Variants in SUMF1 observed in about 807,000 individuals in gnomAD.
The protein encoded by SUMF1 is formylglycine-generating enzyme.
Under a neutral mutation model 47.6 loss-of-function variants are expected in SUMF1, and 48 were observed. The ratio of observed to expected loss-of-function variants is 1.01; its 90% CI spans 0.80 to 1.28. The LOEUF (loss-of-function observed/expected upper bound fraction) is 1.28, where lower values mean the gene tolerates loss of function less well. SUMF1 is among the 50% of genes most tolerant of loss of function. The pLI is 0.00. For synonymous variants in SUMF1, 230 were observed against 192.1 expected, an observed-to-expected ratio of 1.20 and a Z score of -1.63; for missense variants, 571 against 485.4, an observed-to-expected ratio of 1.18 and a Z score of -1.66.
At chr3:4,042,340 CT>C (rs1694921881) in intron 9 of SUMF1, among the ~76,000 whole-genome samples, 2 of 151,892 alleles carry the variant, frequency 1.3e-5, no homozygotes, top group Admixed American at 6.6e-5. Flanking sequence ...TGCTTGTTTG[CT>C]TGTTTGTTTT....
chr3:4,165,565 A>G (rs1404480559), intron 8 of SUMF1, among the ~76,000 whole-genome samples: 1 of 152,090 alleles, frequency 6.6e-6, no homozygotes, highest in Non-Finnish European at 1.5e-5. Flanking sequence ...TTATCTTTCA[A>G]TGAAAAGAAG....
At chr3:4,043,589 A>T (rs1432956319) in intron 9 of SUMF1, among the ~76,000 whole-genome samples, 1 of 151,798 alleles carries the variant, frequency 6.6e-6, no homozygotes, top group African/African-American at 2.4e-5. Context: ...GCCCTTTACC[A>T]GTTCTCTATT....
chr3:4,086,443 C>T (rs1464730377), intron 8 of SUMF1, among the ~76,000 whole-genome samples: 1 of 152,006 alleles, frequency 6.6e-6, no homozygotes, highest in Non-Finnish European at 1.5e-5. Context: ...CTGTGTACTA[C>T]AACACTAGGG....
At chr3:4,350,201 AT>A (rs1699464616) in intron 8 of SUMF1, among the ~76,000 whole-genome samples, 2 of 151,526 alleles carry the variant, frequency 1.3e-5, no homozygotes, top group African/African-American at 4.9e-5. Flanking sequence ...AAAAATCACC[AT>A]TTTTTAGTAT....
chr3:4,156,499 A>T (rs1694455624), intron 8 of SUMF1, among the ~76,000 whole-genome samples: 1 of 151,634 alleles, frequency 6.6e-6, no homozygotes, highest in Non-Finnish European at 1.5e-5. Context: ...ACACAACTGG[A>T]ACAGAAAGGC....
intron 8 of SUMF1, among the ~76,000 whole-genome samples, chr3:4,215,665 C>T (rs1446313548): frequency 6.6e-6 from 1 of 152,160 alleles, no homozygotes; most frequent in East Asian, 1.9e-4. Flanking sequence ...AGCCCAAAAT[C>T]TCCTTAAGCT....
At chr3:4,274,847 G>C (rs1378767132) in intron 8 of SUMF1, among the ~76,000 whole-genome samples, 1 of 152,210 alleles carries the variant, frequency 6.6e-6, no homozygotes, top group Non-Finnish European at 1.5e-5. Context: ...GAATTCTGCA[G>C]AAGCAGCTGT....
intron 8 of SUMF1, among the ~76,000 whole-genome samples, chr3:4,209,533 A>G (rs1240412906): frequency 1.3e-5 from 2 of 152,112 alleles, no homozygotes; most frequent in Admixed American, 6.6e-5. Context: ...ATCACAAATG[A>G]CAATCTAAGA....
intron 8 of SUMF1, among the ~76,000 whole-genome samples, chr3:4,254,502 G>A (rs1696897191): frequency 6.7e-6 from 1 of 150,284 alleles, no homozygotes; most frequent in East Asian, 1.9e-4. Context: ...TCAACTGGAA[G>A]AAAGGGTATC....
intron 8 of SUMF1, among the ~76,000 whole-genome samples, chr3:4,370,662 C>T (rs148890710): frequency 7.9e-5 from 12 of 152,290 alleles, no homozygotes; most frequent in African/African-American, 2.6e-4. Flanking sequence ...AGGGCCATAT[C>T]TGAAGACCCC....
chr3:4,314,848 G>A (rs989600594), intron 8 of SUMF1, among the ~76,000 whole-genome samples: 2 of 152,150 alleles, frequency 1.3e-5, no homozygotes, highest in Non-Finnish European at 2.9e-5. Flanking sequence ...ATATTATTAA[G>A]TAATTTAATT....
chr3:4,275,354 C>A (rs991250010), intron 8 of SUMF1, among the ~76,000 whole-genome samples: 2 of 152,140 alleles, frequency 1.3e-5, no homozygotes, highest in Non-Finnish European at 2.9e-5. Flanking sequence ...GATATGGGTT[C>A]TCTCCTCTGT....
intron 8 of SUMF1, among the ~76,000 whole-genome samples, chr3:4,093,809 T>A (rs1692841599): frequency 6.6e-6 from 1 of 152,100 alleles, no homozygotes; most frequent in African/African-American, 2.4e-5. Flanking sequence ...ATATGTAAAT[T>A]ATTCTCAGTT....
At chr3:4,420,262 A>T (rs571329372) in intron 3 of SUMF1, 116 bp from the exon 4 acceptor site, 1 of 778,302 alleles carries the variant, frequency 1.3e-6, no homozygotes, top group East Asian at 2.6e-5. Context: ...GGATTACCAA[A>T]CAAATACATT....
chr3:4,232,961 A>G (rs945119193), intron 8 of SUMF1, among the ~76,000 whole-genome samples: 20 of 152,120 alleles, frequency 1.3e-4, no homozygotes, highest in Non-Finnish European at 2.2e-4. Context: ...AGGTGAATCC[A>G]CGGGTCTCAC....
At chr3:4,223,452 C>T (rs1696109440) in intron 8 of SUMF1, among the ~76,000 whole-genome samples, 1 of 152,116 alleles carries the variant, frequency 6.6e-6, no homozygotes, top group South Asian at 2.1e-4. Context: ...CAGAACAGTG[C>T]CTGGAGCATA....
intron 7 of SUMF1, 116 bp downstream of exon 7, chr3:4,410,749 A>G: frequency 1.1e-6 from 1 of 925,658 alleles, no homozygotes; most frequent in Non-Finnish European, 1.8e-6. Flanking sequence ...GGAAATCCCA[A>G]GATTAATTTC....
chr3:4,241,402 T>C (rs1696534809), intron 8 of SUMF1, among the ~76,000 whole-genome samples: 1 of 152,154 alleles, frequency 6.6e-6, no homozygotes, highest in African/African-American at 2.4e-5. Context: ...AGGTCCTGGA[T>C]TGAAGTCTGA....
At chr3:4,128,249 C>A (rs748720760) in intron 8 of SUMF1, among the ~76,000 whole-genome samples, 2 of 152,166 alleles carry the variant, frequency 1.3e-5, no homozygotes, top group African/African-American at 2.4e-5. Flanking sequence ...AAAAGTTGCA[C>A]GCACAGCCTC....
Sources: allele counts gnomAD v4.1 joint callset (sites outside exome capture counted in the v4.1 genomes callset), GRCh38; gene constraint gnomAD v4.1.1; transcripts MANE v1.5; gene names NCBI Gene and HGNC (gene_info 2026-07-23, HGNC 2026-07-21).